RAB35: variants seen among roughly 807,000 people sequenced by gnomAD.
RAB35 encodes ras-related protein Rab-35.
RAB35 carries 4 observed loss-of-function variants against 28.9 expected under a neutral mutation model. The ratio of observed to expected loss-of-function variants is 0.14; its 90% CI spans 0.07 to 0.32. RAB35 has a LOEUF of 0.32. Among genes scored for constraint, RAB35 ranks in the 10% least tolerant of loss-of-function variants. The pLI is 1.00. For synonymous variants in RAB35, 99 were observed against 105.1 expected (o/e 0.94, Z 0.35); for missense variants, 128 against 274.0 (o/e 0.47, Z 3.76).
At chr12:120,101,410 G>A (rs1022904615) in intron 3 of RAB35, among the ~76,000 whole-genome samples, 1 of 152,050 alleles carries the variant, frequency 6.6e-6, no homozygotes, top group African/African-American at 2.4e-5. Flanking sequence ...CATCCCACCC[G>A]CACCTCTCAG....
At chr12:120,107,686 G>A (rs1225389922) in intron 2 of RAB35, among the ~76,000 whole-genome samples, 1 of 151,908 alleles carries the variant, frequency 6.6e-6, no homozygotes, top group African/African-American at 2.4e-5. Flanking sequence ...GACCAACATG[G>A]TGAAACCCCA....
At chr12:120,098,959 G>A (rs765572139) in intron 4 of RAB35, 24 bp from the exon 5 acceptor site, 19 of 1,614,088 alleles carry the variant, frequency 1.2e-5, no homozygotes, top group East Asian at 2.2e-5. Flanking sequence ...CAGAGTCAGC[G>A]CAGCCCTGAG....
At chr12:120,099,489 A>C in intron 3 of RAB35, 1 of 358,504 alleles carries the variant, frequency 2.8e-6, no homozygotes, top group Non-Finnish European at 5.1e-6. Context: ...ATTTTGGGAA[A>C]TCAGGCAGTT....
rs191319833 is a variant in RAB35, at chr12:120,103,207, C to T, written c.227+619G>A. 1.3e-5 allele frequency among the ~76,000 whole-genome samples: 2 copies of T among 152,314 alleles called. No individual in the cohort carries two copies. Among genetic ancestry groups the T allele is most frequent in the East Asian group, 1.9e-4 (1 of 5,174 alleles). Reference sequence around the variant, plus strand: ...CACTAACAACCCAATAACCAGGAGCCGCTCCGAAGGACACTGCCCATCTGC... The same window carrying T: ...CACTAACAACCCAATAACCAGGAGCTGCTCCGAAGGACACTGCCCATCTGC... On this transcript the variant is annotated intron_variant, in intron 3 of 5. Transcript: ENST00000229340. This position sits in a 1 kb window ranked among gnomAD's most constrained non-coding sequence, Gnocchi z 6.1.
intron 1 of RAB35, among the ~76,000 whole-genome samples, chr12:120,114,385 G>A (rs559264216): frequency 4.3e-4 from 66 of 152,348 alleles, no homozygotes; most frequent in South Asian, 1.4e-3. Flanking sequence ...GAGCCACCGC[G>A]CCCGGCCTTA....
At chr12:120,114,083 TC>T (rs1876233529) in intron 1 of RAB35, among the ~76,000 whole-genome samples, 1 of 152,106 alleles carries the variant, frequency 6.6e-6, no homozygotes, top group Admixed American at 6.5e-5. Context: ...GTAAGTCACC[TC>T]CTCTGAGCCT....
intron 2 of RAB35, among the ~76,000 whole-genome samples, chr12:120,105,911 C>T (rs113566038): frequency 0.11 from 13,135 of 125,064 alleles, 821 homozygotes; most frequent in African/African-American, 0.22. Flanking sequence ...AGCGAGACTC[C>T]GTCTCAAAAA....
chr12:120,097,824 A>AGGGGTTT (rs1875486140), intron 5 of RAB35, among the ~76,000 whole-genome samples: 1 of 151,378 alleles, frequency 6.6e-6, no homozygotes, highest in Admixed American at 6.6e-5. Context: ...TCAATCTCAC[A>AGGGGTTT]GGGGTTTTCC....
intron 1 of RAB35, among the ~76,000 whole-genome samples, chr12:120,109,949 T>C (rs1374918498): frequency 6.6e-6 from 1 of 152,174 alleles, no homozygotes; most frequent in African/African-American, 2.4e-5. Flanking sequence ...GGGCTGTGTG[T>C]GTGGTGAGCC....
chr12:120,104,500 G>A (rs1054038170), intron 2 of RAB35, among the ~76,000 whole-genome samples: 2 of 152,196 alleles, frequency 1.3e-5, no homozygotes, highest in African/African-American at 2.4e-5. Context: ...AGAAAGTGGC[G>A]AGGCCAGATC....
chr12:120,096,190 A>G lies in RAB35; in HGVS notation c.*1055T>C. 1 of 352,442 alleles carries G rather than the reference A, an allele frequency of 2.8e-6. No homozygotes were observed. The highest frequency in any genetic ancestry group is 5.5e-6 in the Non-Finnish European group (1 of 182,220). The allele number at this position is 352,442 out of a possible 1,614,324, so 21.8% of individuals were successfully genotyped here. A position where few individuals can be genotyped will look rare whatever the true frequency, so the allele number is the denominator to read the frequency against. The stretch of plus-strand genomic sequence containing the variant: ...GCTGCAGTGTAGACTCCTGACCTCC[A>G]GTGGGAGGCAACTCGGACAAGGGTG... On this transcript the variant is annotated 3_prime_UTR_variant, in exon 6 of 6. Coordinates refer to ENST00000229340, the MANE Select transcript of RAB35 (RefSeq NM_006861.7).
At chr12:120,114,684 C>T (rs975735719) in intron 1 of RAB35, among the ~76,000 whole-genome samples, 1 of 152,206 alleles carries the variant, frequency 6.6e-6, no homozygotes, top group Non-Finnish European at 1.5e-5. Context: ...ACATAAATCT[C>T]GACCCAATGA....
chr12:120,104,694 A>G (rs917766887), intron 2 of RAB35, among the ~76,000 whole-genome samples: 1 of 151,968 alleles, frequency 6.6e-6, no homozygotes, highest in South Asian at 2.1e-4. Context: ...CCCAGGCTGG[A>G]GTGAAGTGGG....
rs763182431 is a variant in RAB35 at position 120,097,196 on chromosome 12, G to T, written c.*49C>A. ...CCCCCGAGGAACCTCCGTGGGCCTC[G>T]GGCTGGGGGAGGGACCGCAGTGCAG... is the stretch of plus-strand genomic sequence containing the variant. On this transcript the variant is annotated 3_prime_UTR_variant, in exon 6 of 6. Coordinates refer to ENST00000229340, the MANE Select transcript of RAB35 (RefSeq NM_006861.7). 1.9e-6 allele frequency: 3 copies of T among 1,613,946 alleles called. No homozygotes were observed. The highest frequency in any genetic ancestry group is 2.5e-6 in the Non-Finnish European group (3 of 1,179,922).
rs1430155676 is a variant in RAB35 at position 120,103,255 on chromosome 12, G to A, written c.227+571C>T. ...TGCGCAGGAGCCCAGCTTCCCCCCG[G>A]CCTGCAGCTCAGCCACAAAGGTGGG... On this transcript the variant is annotated intron_variant, in intron 3 of 5. Coordinates refer to ENST00000229340, the MANE Select transcript of RAB35 (RefSeq NM_006861.7). The surrounding 1 kb of genome is among the most constrained non-coding windows in gnomAD (Gnocchi z 6.1). 8.5e-5 allele frequency among the ~76,000 whole-genome samples: 13 copies of A among 152,336 alleles called. No homozygotes were observed. The South Asian group carries it at 2.3e-3, about 27-fold the overall frequency.
intron 1 of RAB35, among the ~76,000 whole-genome samples, chr12:120,113,076 G>C (rs1317592447): frequency 6.6e-6 from 1 of 151,484 alleles, no homozygotes; most frequent in African/African-American, 2.4e-5. Context: ...GTTTTAAGTA[G>C]GGACAGGGTT....
At chr12:120,109,942 CTG>C (rs1159353360) in intron 1 of RAB35, among the ~76,000 whole-genome samples, 6 of 152,180 alleles carry the variant, frequency 3.9e-5, no homozygotes, top group African/African-American at 1.4e-4. Context: ...ATGCATCGGG[CTG>C]TGTGTGTGGT....
Position 120,097,328 on chromosome 12 carries a change from T to G in RAB35, c.523A>C (p.Asn175His). 1 of 1,613,606 alleles carries G rather than the reference T, an allele frequency of 6.2e-7. No individual in the cohort carries two copies. Among genetic ancestry groups the G allele is most frequent in the Non-Finnish European group, 8.5e-7 (1 of 1,180,012 alleles). Residue 175 changes from asparagine (N) to histidine (H), a missense_variant, in exon 6 of 6, where the codon AAC (asparagine) becomes CAC (histidine). Asn to His is a moderately conservative substitution (Grantham distance 68). Transcript: ENST00000229340. ...TGTTGCTGCTGCTGTTTTGCCAGGT[T>G]GTCTTTCTTTGCTCGGAGGACCAGC... ...TELVLRAKKD[N>H]LAKQQQQQQN...
intron 2 of RAB35, 120 bp downstream of exon 2, chr12:120,108,297 G>A: frequency 1.9e-6 from 2 of 1,054,940 alleles, no homozygotes; most frequent in Non-Finnish European, 1.4e-6. Context: ...TCCCTCCTCT[G>A]GCAACCAGAA....
Sources: gnomAD v4.1 joint callset for allele counts (sites outside exome capture counted in the v4.1 genomes callset) on GRCh38, gnomAD v4.1.1 for gene constraint, Gnocchi (gnomAD v3.1) non-coding constraint, MANE v1.5 for transcripts, NCBI Gene and HGNC (gene_info 2026-07-23, HGNC 2026-07-21) for gene names.